Variants in KIF13A observed in about 807,000 individuals in gnomAD.
KIF13A encodes kinesin family member 13A.
A neutral mutation model predicts 212.2 loss-of-function variants in KIF13A; 79 were observed. The ratio of observed to expected loss-of-function variants is 0.37; its 90% CI spans 0.31 to 0.45. The LOEUF is 0.45. Ranked by LOEUF, KIF13A falls within the 20% of genes least tolerant of loss-of-function variation. The pLI is 1.00. For missense variants in KIF13A, 1,901 were observed against 2,209.0 expected, an observed-to-expected ratio of 0.86 and a Z score of 2.79; for synonymous variants, 789 against 808.6, an observed-to-expected ratio of 0.98 and a Z score of 0.41.
chr6:17,853,970 A>G lies in KIF13A; in HGVS notation c.494+1467T>C, dbSNP rs113978368. 3.9e-5 allele frequency among the ~76,000 whole-genome samples: 6 copies of G among 152,244 alleles called. 1 individual carries two copies. Among genetic ancestry groups the G allele is most frequent in the African/African-American group, 1.4e-4 (6 of 41,546 alleles). ...AAGTCATGTTCCATTTATTAAGCCAATGTAGGTAGGCAGTTGTTTTTATTA... is the reference window on the plus strand; with the variant it reads ...AAGTCATGTTCCATTTATTAAGCCAGTGTAGGTAGGCAGTTGTTTTTATTA... On this transcript the variant is annotated intron_variant, in intron 6 of 38. Transcript: ENST00000259711.
intron 2 of KIF13A, among the ~76,000 whole-genome samples, chr6:17,943,849 T>A (rs923833104): frequency 2.0e-5 from 3 of 152,142 alleles, no homozygotes; most frequent in Non-Finnish European, 4.4e-5. Flanking sequence ...TGAGCATCAG[T>A]TGACTTATGT....
rs1268970368 is a variant in KIF13A, at chr6:17,871,486, T to C, written c.220+1891A>G. ...TGCATTTCTTTTGCTTTCTAACTTA[T>C]TTTTGGATTTCTCAAGGGCTTCATG... On this transcript the variant is annotated intron_variant, in intron 4 of 38. Coordinates refer to ENST00000259711, the MANE Select transcript of KIF13A (RefSeq NM_022113.6). The surrounding 1 kb of genome is among the most constrained non-coding windows in gnomAD (Gnocchi z 4.4). Among the ~76,000 whole-genome samples, 1 of 152,186 alleles carries C rather than the reference T, an allele frequency of 6.6e-6. No homozygotes were observed. The highest frequency in any genetic ancestry group is 1.5e-5 in the Non-Finnish European group (1 of 68,042).
chr6:17,987,057 T>C lies in KIF13A; in HGVS notation c.143A>G (p.Glu48Gly). The C allele has an allele frequency of 6.2e-7, 1 of 1,612,568 alleles. No individual in the cohort carries two copies. The highest frequency in any genetic ancestry group is 8.5e-7 in the Non-Finnish European group (1 of 1,178,662). The change falls in exon 2 of 39, where the codon GAA becomes GGA. Residue 48 changes from glutamate to glycine, a missense_variant. By Grantham distance (98) the Glu-to-Gly change is moderately conservative. Around this residue, in one of 5 missense-constraint regions of KIF13A, gnomAD observed 506 missense variants for 637.4 expected, o/e 0.79. Coordinates refer to ENST00000259711, the MANE Select transcript of KIF13A (RefSeq NM_022113.6). The surrounding 1 kb of genome is among the most constrained non-coding windows in gnomAD (Gnocchi z 7.7). ...GCCCTCTCGGAACCCGCTTTACCTT[T>C]CTCCCTGTTTGGTGTTAGAAGGAGG... ...HPPPSNTKQG[E>G]RKPPKVFAFD...
intron 2 of KIF13A, among the ~76,000 whole-genome samples, chr6:17,920,113 C>A (rs1774921841): frequency 6.6e-6 from 1 of 152,272 alleles, no homozygotes; most frequent in South Asian, 2.1e-4. Flanking sequence ...TCGTCCCAGT[C>A]TCTATTACAT....
intron 4 of KIF13A, among the ~76,000 whole-genome samples, chr6:17,868,551 GT>G (rs550655003): frequency 1.6e-3 from 227 of 141,430 alleles, no homozygotes; most frequent in East Asian, 6.9e-3. Context: ...GGTTATTTCT[GT>G]TTTTTTTTTT....
intron 33 of KIF13A, among the ~76,000 whole-genome samples, chr6:17,778,364 A>G (rs765208403): frequency 6.6e-6 from 1 of 152,204 alleles, no homozygotes; most frequent in Non-Finnish European, 1.5e-5. Flanking sequence ...ACAGATGCCA[A>G]TTACATTCCT....
Position 17,794,811 on chromosome 6 carries a change from G to T in KIF13A, c.2943-107C>A. ...GCACTTACTATGTGCTAGGCACTGTGCCATTTATCTTGTATAAGTTACTTC... is the reference window on the plus strand; with the variant it reads ...GCACTTACTATGTGCTAGGCACTGTTCCATTTATCTTGTATAAGTTACTTC... On this transcript the variant is annotated intron_variant, in intron 23 of 38. Coordinates refer to ENST00000259711, the MANE Select transcript of KIF13A (RefSeq NM_022113.6). The surrounding 1 kb of genome is among the most constrained non-coding windows in gnomAD (Gnocchi z 4.1). 8.6e-7 allele frequency: 1 copy of T among 1,159,938 alleles called. No individual in the cohort carries two copies. The highest frequency in any genetic ancestry group is 1.2e-6 in the Non-Finnish European group (1 of 832,084). The allele number at this position is 1,159,938 out of a possible 1,614,324, so 71.9% of individuals were successfully genotyped here.
Position 17,785,745 on chromosome 6 carries a change from T to C in KIF13A, c.3362-104A>G. ...CTGGGCAACATAGTGAGACCCCATCTCTACCAAAAAAAAAAAAATAGTTGG... is the reference window on the plus strand; with the variant it reads ...CTGGGCAACATAGTGAGACCCCATCCCTACCAAAAAAAAAAAAATAGTTGG... On this transcript the variant is annotated intron_variant, in intron 27 of 38. Transcript: ENST00000259711. This position sits in a 1 kb window ranked among gnomAD's most constrained non-coding sequence, Gnocchi z 5.8. The C allele has an allele frequency of 3.3e-6, 4 of 1,195,248 alleles. No homozygotes were observed. The highest frequency in any genetic ancestry group is 3.5e-6 in the Non-Finnish European group (3 of 859,826). The allele number at this position is 1,195,248 out of a possible 1,614,324, so 74.0% of individuals were successfully genotyped here.
intron 38 of KIF13A, among the ~76,000 whole-genome samples, chr6:17,766,282 C>T (rs1758973721): frequency 6.8e-6 from 1 of 146,188 alleles, no homozygotes. Flanking sequence ...TCTTGTTGCC[C>T]AGGCTGGAGT....
rs1768140225 is a variant in KIF13A, at chr6:17,856,397, C to G, written c.221-275G>C. Among the ~76,000 whole-genome samples the G allele has an allele frequency of 6.6e-6, 1 of 152,164 alleles. No homozygotes were observed. The highest frequency in any genetic ancestry group is 2.4e-5 in the African/African-American group (1 of 41,416). Reference sequence around the variant, plus strand: ...TTGTGAGTGGGCCATATGGAAGCAGCATTCAAATTTGGTTGTTTTTTCTTA... The same window carrying G: ...TTGTGAGTGGGCCATATGGAAGCAGGATTCAAATTTGGTTGTTTTTTCTTA... On this transcript the variant is annotated intron_variant, in intron 4 of 38. Coordinates refer to ENST00000259711, the MANE Select transcript of KIF13A (RefSeq NM_022113.6). This position sits in a 1 kb window ranked among gnomAD's most constrained non-coding sequence, Gnocchi z 4.5.
At chr6:17,775,220 G>A (rs1759847399) in intron 34 of KIF13A, among the ~76,000 whole-genome samples, 158 bp from the exon 35 acceptor site, 1 of 151,800 alleles carries the variant, frequency 6.6e-6, no homozygotes, top group Non-Finnish European at 1.5e-5. Context: ...TCTCAATTTG[G>A]GGTTTATCAT....
rs1286024639 is a variant in KIF13A, at chr6:17,776,342, G to C, written c.4170+935C>G. ...GGGAATTTAGGGCTAATAATTTCTA[G>C]GTACCACTTTAGCTGCATTGCACAA... On this transcript the variant is annotated intron_variant, in intron 34 of 38. Coordinates refer to ENST00000259711, the MANE Select transcript of KIF13A (RefSeq NM_022113.6). This position sits in a 1 kb window ranked among gnomAD's most constrained non-coding sequence, Gnocchi z 4.6. Among the ~76,000 whole-genome samples, 3 of 152,022 alleles carry C rather than the reference G, an allele frequency of 2.0e-5. No homozygotes were observed. The highest frequency in any genetic ancestry group is 4.4e-5 in the Non-Finnish European group (3 of 67,994).
intron 2 of KIF13A, among the ~76,000 whole-genome samples, chr6:17,924,617 C>T (rs1388148378): frequency 2.0e-5 from 3 of 152,214 alleles, no homozygotes; most frequent in East Asian, 1.9e-4. Flanking sequence ...TTATATTGCA[C>T]TAAATATTCT....
chr6:17,874,399 A>G (rs951169048), intron 3 of KIF13A, among the ~76,000 whole-genome samples: 3 of 151,954 alleles, frequency 2.0e-5, no homozygotes, highest in Non-Finnish European at 4.4e-5. Context: ...AGTATTTGGC[A>G]TGTCTTTTAC....
At chr6:17,830,969 A>G in intron 13 of KIF13A, 132 bp downstream of exon 13, 2 of 737,708 alleles carry the variant, frequency 2.7e-6, no homozygotes, top group Middle Eastern at 6.2e-4. Flanking sequence ...ATCGGAGGGC[A>G]CTATCCATCT....
intron 22 of KIF13A, among the ~76,000 whole-genome samples, chr6:17,798,998 AG>A (rs1324384313): frequency 6.6e-6 from 1 of 152,254 alleles, no homozygotes; most frequent in African/African-American, 2.4e-5. Context: ...TAAAAGATGC[AG>A]AGCATAGAAA....
At chr6:17,954,576 T>C (rs1778182075) in intron 2 of KIF13A, among the ~76,000 whole-genome samples, 1 of 152,240 alleles carries the variant, frequency 6.6e-6, no homozygotes, top group Non-Finnish European at 1.5e-5. Flanking sequence ...AACCTGATTT[T>C]ACATTCTTTT....
chr6:17,787,899 T>C lies in KIF13A; in HGVS notation c.3262-24A>G, dbSNP rs1761193865. 7.5e-7 allele frequency: 1 copy of C among 1,330,098 alleles called. No homozygotes were observed. 82.4% of individuals were successfully genotyped at this position (1,330,098 alleles called of 1,614,324 possible). A position where few individuals can be genotyped will look rare whatever the true frequency, so the allele number is the denominator to read the frequency against. ...TCCTAACATCAGGGAGGGAAAATAT[T>C]TTCCTGTAGACTGCACAGACAACGA... On this transcript the variant is annotated intron_variant, in intron 26 of 38. Transcript: ENST00000259711. The surrounding 1 kb of genome is among the most constrained non-coding windows in gnomAD (Gnocchi z 4.6).
chr6:17,882,239 C>A (rs1285587766), intron 3 of KIF13A: 1 of 351,014 alleles, frequency 2.8e-6, no homozygotes, highest in South Asian at 2.2e-5. Flanking sequence ...CACTTGTTAC[C>A]TTTTTCAATT....
Sources: gnomAD v4.1 joint callset for allele counts (sites outside exome capture counted in the v4.1 genomes callset) on GRCh38, gnomAD v4.1.1 for gene constraint, gnomAD v4.1.1 regional missense constraint, Gnocchi (gnomAD v3.1) non-coding constraint, MANE v1.5 for transcripts, NCBI Gene and HGNC (gene_info 2026-07-23, HGNC 2026-07-21) for gene names.